The following ZNF892 variants were observed in gnomAD, a reference collection of about 807,000 sequenced individuals.
The protein encoded by ZNF892 is zinc finger protein 892, also known as zinc finger protein 570-like.
the ZNF892 span, among the ~76,000 whole-genome samples, chr2:95,259,956 A>G: frequency 4.6e-5 from 7 of 152,254 alleles, 1 homozygote; most frequent in Admixed American, 2.0e-4. Flanking sequence ...GGAGCCTGAC[A>G]CCACCAGGGA....
At chr2:95,221,205 T>G in the ZNF892 span, among the ~76,000 whole-genome samples, 1 of 152,216 alleles carries the variant, frequency 6.6e-6, no homozygotes, top group African/African-American at 2.4e-5. Flanking sequence ...CTATTAGGTA[T>G]TATTCATATA....
At chr2:95,240,680 T>C in the ZNF892 span, among the ~76,000 whole-genome samples, 1 of 152,148 alleles carries the variant, frequency 6.6e-6, no homozygotes. Context: ...CCCACTTCCA[T>C]GGCATCTCTT....
chr2:95,232,817 A>ATG, the ZNF892 span, among the ~76,000 whole-genome samples: 1 of 152,008 alleles, frequency 6.6e-6, no homozygotes, highest in Non-Finnish European at 1.5e-5. Context: ...ATATACATGT[A>ATG]TGTATATGTA....
At chr2:95,214,051 C>T in the ZNF892 span, among the ~76,000 whole-genome samples, 1 of 152,172 alleles carries the variant, frequency 6.6e-6, no homozygotes, top group Non-Finnish European at 1.5e-5. Flanking sequence ...TTCTTAGTCT[C>T]ATTCTGTTAT....
At chr2:95,219,605 T>G in the ZNF892 span, among the ~76,000 whole-genome samples, 1 of 152,156 alleles carries the variant, frequency 6.6e-6, no homozygotes, top group Admixed American at 6.5e-5. Context: ...TAAGTTGAGA[T>G]TTTCTTGGTT....
At chr2:95,229,207 A>G in the ZNF892 span, among the ~76,000 whole-genome samples, 1 of 152,108 alleles carries the variant, frequency 6.6e-6, no homozygotes, top group Non-Finnish European at 1.5e-5. Flanking sequence ...AAACTTTCTA[A>G]ATTAACTGAG....
At chr2:95,211,207 T>G in the ZNF892 span, among the ~76,000 whole-genome samples, 2 of 152,168 alleles carry the variant, frequency 1.3e-5, no homozygotes, top group Non-Finnish European at 2.9e-5. Flanking sequence ...AGAGAAAAAA[T>G]ACTTCAATTT....
At chr2:95,219,160 G>A in the ZNF892 span, among the ~76,000 whole-genome samples, 83 of 151,822 alleles carry the variant, frequency 5.5e-4, no homozygotes, top group African/African-American at 1.9e-3. Context: ...TACCATGCCC[G>A]GCTAATTTTT....
chr2:95,248,996 G>A, the ZNF892 span, among the ~76,000 whole-genome samples: 1 of 151,752 alleles, frequency 6.6e-6, no homozygotes, highest in Non-Finnish European at 1.5e-5. Flanking sequence ...AGCCCAGGCT[G>A]AATGTGAACT....
chr2:95,223,744 A>C, the ZNF892 span, among the ~76,000 whole-genome samples: 8 of 152,362 alleles, frequency 5.3e-5, no homozygotes, highest in East Asian at 1.3e-3. Flanking sequence ...AAATTCATCC[A>C]TTTAAAATGT....
chr2:95,225,970 T>G, the ZNF892 span, among the ~76,000 whole-genome samples: 1 of 152,122 alleles, frequency 6.6e-6, no homozygotes, highest in Non-Finnish European at 1.5e-5. Context: ...ACACAGAAGC[T>G]CTCATGGGTT....
the ZNF892 span, among the ~76,000 whole-genome samples, chr2:95,257,981 C>G: frequency 1.2e-4 from 18 of 152,148 alleles, no homozygotes; most frequent in Admixed American, 1.2e-3. Context: ...CTTTCCTTGG[C>G]TAGGAAAGGG....
the ZNF892 span, chr2:95,207,742 G>T: frequency 2.0e-5 from 8 of 398,250 alleles, no homozygotes; most frequent in East Asian, 2.9e-4. Context: ...CCTCTTGGGG[G>T]ACCCGAGCGG....
chr2:95,233,499 GC>G, the ZNF892 span, among the ~76,000 whole-genome samples: 1 of 150,490 alleles, frequency 6.6e-6, no homozygotes, highest in Non-Finnish European at 1.5e-5. Context: ...CGGTGAAACC[GC>G]ATCTCTACTA....
At chr2:95,240,724 GC>G in the ZNF892 span, among the ~76,000 whole-genome samples, 1 of 152,228 alleles carries the variant, frequency 6.6e-6, no homozygotes. Context: ...ATTCCAGCCA[GC>G]CAACAGCAAC....
the ZNF892 span, among the ~76,000 whole-genome samples, chr2:95,241,297 A>G: frequency 1.3e-5 from 2 of 152,230 alleles, no homozygotes; most frequent in African/African-American, 4.8e-5. Flanking sequence ...GCAGGCTGCC[A>G]TCTTTGCTGT....
chr2:95,254,277 G>A, the ZNF892 span, among the ~76,000 whole-genome samples: 1 of 152,202 alleles, frequency 6.6e-6, no homozygotes, highest in Non-Finnish European at 1.5e-5. Context: ...TTTATTGAGA[G>A]TTTTTAGCAT....
the ZNF892 span, among the ~76,000 whole-genome samples, chr2:95,245,452 G>GT: frequency 7.1e-3 from 646 of 90,410 alleles, 48 homozygotes; most frequent in African/African-American, 0.028. Flanking sequence ...AGAGACGGCG[G>GT]GGGGGGGGGG....
the ZNF892 span, among the ~76,000 whole-genome samples, chr2:95,248,680 C>A: frequency 6.6e-6 from 1 of 152,034 alleles, no homozygotes; most frequent in Non-Finnish European, 1.5e-5. Flanking sequence ...AAAAACTAAT[C>A]TCTAATTTTA....
Sources: gnomAD v4.1 joint callset for allele counts (sites outside exome capture counted in the v4.1 genomes callset) on GRCh38, gnomAD v4.1.1 for gene constraint, MANE v1.5 for transcripts, NCBI Gene and HGNC (gene_info 2026-07-23, HGNC 2026-07-21) for gene names.